Variants in NEGR1 observed in about 807,000 individuals in gnomAD.
NEGR1 encodes IgLON family member 4.
NEGR1 carries 10 observed loss-of-function variants against 40.9 expected under a neutral mutation model. That is an observed-to-expected ratio of 0.24 (90% CI 0.15 to 0.42). NEGR1 has a LOEUF of 0.42. Among genes scored for constraint, NEGR1 ranks in the 10% least tolerant of loss-of-function variants. NEGR1 has a pLI of 1.00. For missense variants in NEGR1, 352 were observed against 438.9 expected (o/e 0.80, Z 1.77); for synonymous variants, 185 against 166.8 (o/e 1.11, Z -0.84).
intron 2 of NEGR1, among the ~76,000 whole-genome samples, chr1:71,807,901 AAGG>A (rs1190235592): frequency 5.9e-5 from 9 of 152,202 alleles, no homozygotes; most frequent in African/African-American, 2.2e-4. Flanking sequence ...AATGCATAAA[AAGG>A]AGATTTGTCA....
rs181000753 is a variant in NEGR1 at position 71,504,498 on chromosome 1, C to T, written c.940+88319G>A. Among the ~76,000 whole-genome samples, 306 of 152,036 alleles carry T rather than the reference C, an allele frequency of 2.0e-3. 1 individual carries two copies. The highest frequency in any genetic ancestry group is 5.7e-3 in the Admixed American group (87 of 15,282). On this transcript the variant is annotated intron_variant, in intron 6 of 6. Coordinates refer to ENST00000357731, the MANE Select transcript of NEGR1 (RefSeq NM_173808.3). ...ATGTTACAAGTGTAGAAAGCCAGGA[C>T]GGTTTAAAAGAAAATATCCTGAATG...
chr1:71,396,823 A>G lies in NEGR1; in HGVS notation c.*10623T>C. 6.2e-6 allele frequency: 1 copy of G among 161,180 alleles called. No individual in the cohort carries two copies. Among genetic ancestry groups the G allele is most frequent in the Non-Finnish European group, 1.3e-5 (1 of 75,312 alleles). The allele number at this position is 161,180 out of a possible 1,614,324, so 10.0% of individuals were successfully genotyped here. ...AGCCACGTGGAACTGTAAGTCTGAT[A>G]AACCTCTTTCTTTTGTAAATTGCCC... On this transcript the variant is annotated 3_prime_UTR_variant, in exon 7 of 7. Transcript: ENST00000357731.
chr1:72,038,010 G>A (rs984681933), intron 1 of NEGR1, among the ~76,000 whole-genome samples: 1 of 152,024 alleles, frequency 6.6e-6, no homozygotes, highest in African/African-American at 2.4e-5. Context: ...TAGCATTAAT[G>A]ATTCTTAACC....
intron 1 of NEGR1, among the ~76,000 whole-genome samples, chr1:72,128,691 G>A (rs1212301798): frequency 2.0e-5 from 3 of 151,902 alleles, no homozygotes; most frequent in Non-Finnish European, 2.9e-5. Flanking sequence ...TTAATGTAAC[G>A]TGTCAACTTC....
At chr1:71,437,755 T>A (rs1211671573) in intron 6 of NEGR1, among the ~76,000 whole-genome samples, 1 of 152,180 alleles carries the variant, frequency 6.6e-6, no homozygotes, top group Admixed American at 6.6e-5. Flanking sequence ...ATTAAATGCC[T>A]TAATTTGTGT....
chr1:71,446,893 A>ATC (rs1271862358), intron 6 of NEGR1, among the ~76,000 whole-genome samples: 1 of 152,238 alleles, frequency 6.6e-6, no homozygotes, highest in Non-Finnish European at 1.5e-5. Context: ...CTCAAACAAT[A>ATC]TTGTAACATT....
At chr1:71,773,717 T>C (rs1240476893) in intron 3 of NEGR1, among the ~76,000 whole-genome samples, 1 of 152,186 alleles carries the variant, frequency 6.6e-6, no homozygotes, top group African/African-American at 2.4e-5. Flanking sequence ...TAATAGTTAA[T>C]ATTTATGCTA....
chr1:72,178,142 C>T (rs555888178), intron 1 of NEGR1, among the ~76,000 whole-genome samples: 48 of 150,452 alleles, frequency 3.2e-4, no homozygotes, highest in Admixed American at 3.0e-3. Context: ...TGTTTTTGTT[C>T]TTTTTTTTTA....
At chr1:71,918,622 A>C (rs532417454) in intron 2 of NEGR1, among the ~76,000 whole-genome samples, 7 of 152,282 alleles carry the variant, frequency 4.6e-5, no homozygotes, top group African/African-American at 1.7e-4. Context: ...GTTACCTTGA[A>C]AAACACACAT....
intron 1 of NEGR1, among the ~76,000 whole-genome samples, chr1:72,208,698 T>A (rs1653494475): frequency 6.6e-6 from 1 of 151,724 alleles, no homozygotes; most frequent in African/African-American, 2.4e-5. Context: ...TAAAGGCAAC[T>A]TTATTTCAAA....
intron 2 of NEGR1, among the ~76,000 whole-genome samples, chr1:71,876,837 A>G (rs1660445791): frequency 6.6e-6 from 1 of 152,118 alleles, no homozygotes; most frequent in African/African-American, 2.4e-5. Flanking sequence ...CATTGCTTCT[A>G]AACTAAACTC....
intron 1 of NEGR1, among the ~76,000 whole-genome samples, chr1:72,030,334 G>A (rs932540088): frequency 3.3e-5 from 5 of 152,006 alleles, no homozygotes; most frequent in African/African-American, 1.2e-4. Flanking sequence ...AGCCTCTGGA[G>A]TAGCTGGGAT....
At chr1:71,678,569 A>C (rs1394237980) in intron 4 of NEGR1, among the ~76,000 whole-genome samples, 1 of 152,154 alleles carries the variant, frequency 6.6e-6, no homozygotes, top group African/African-American at 2.4e-5. Flanking sequence ...AGTCTAGTTT[A>C]AATGGCTACA....
intron 4 of NEGR1, among the ~76,000 whole-genome samples, chr1:71,638,682 C>G (rs1651242312): frequency 6.6e-6 from 1 of 152,066 alleles, no homozygotes; most frequent in Admixed American, 6.6e-5. Context: ...AGTAAGGTGT[C>G]TAAGGTCATA....
At chr1:71,652,537 T>C (rs923535653) in intron 4 of NEGR1, among the ~76,000 whole-genome samples, 5 of 152,162 alleles carry the variant, frequency 3.3e-5, no homozygotes, top group Non-Finnish European at 5.9e-5. Context: ...ACAGACACCA[T>C]AGGGCCAACA....
intron 1 of NEGR1, among the ~76,000 whole-genome samples, chr1:72,198,551 G>A (rs909173310): frequency 1.3e-5 from 2 of 151,930 alleles, no homozygotes; most frequent in African/African-American, 4.8e-5. Flanking sequence ...CTTTTTTAAC[G>A]TACAGCCATA....
At chr1:72,247,744 T>C (rs1477810601) in intron 1 of NEGR1, among the ~76,000 whole-genome samples, 1 of 152,206 alleles carries the variant, frequency 6.6e-6, no homozygotes, top group Admixed American at 6.5e-5. Context: ...ATTCCACGTT[T>C]TCAGGTATCT....
intron 4 of NEGR1, among the ~76,000 whole-genome samples, chr1:71,639,491 G>A (rs1176842582): frequency 6.6e-6 from 1 of 152,038 alleles, no homozygotes; most frequent in African/African-American, 2.4e-5. Context: ...GGCAGCTTGT[G>A]GGTGAGTCTG....
chr1:71,529,500 TA>T (rs899236774), intron 6 of NEGR1, among the ~76,000 whole-genome samples: 45 of 151,372 alleles, frequency 3.0e-4, no homozygotes, highest in African/African-American at 1.1e-3. Flanking sequence ...TTAGGATTAA[TA>T]GTTTGTTTTA....
Sources: gnomAD v4.1 joint callset for allele counts (sites outside exome capture counted in the v4.1 genomes callset) on GRCh38, gnomAD v4.1.1 for gene constraint, MANE v1.5 for transcripts, NCBI Gene and HGNC (gene_info 2026-07-23, HGNC 2026-07-21) for gene names.